Variants in VARS1 observed in about 807,000 individuals in gnomAD.
VARS1 encodes the protein valyl-tRNA synthetase 1.
VARS1 carries 92 observed loss-of-function variants against 161.0 expected under a neutral mutation model. The observed-to-expected ratio is 0.57, with a 90% CI of 0.48 to 0.68. VARS1 has a LOEUF of 0.68. VARS1 is among the 30% of genes least tolerant of loss of function. The pLI is 0.00. For synonymous variants in VARS1, 595 were observed against 682.5 expected (o/e 0.87, Z 2.00); for missense variants, 1,338 against 1,695.9 (o/e 0.79, Z 3.71).
At chr6:31,789,244 G>T (rs1318786769) in intron 8 of VARS1, among the ~76,000 whole-genome samples, 1 of 151,006 alleles carries the variant, frequency 6.6e-6, no homozygotes. Context: ...AACAGGTAAA[G>T]AATTCTCAAA....
At position 31,781,373 on chromosome 6, in the gene VARS1, C is replaced by G; in HGVS notation, c.2544+108G>C. 1 of 1,489,504 alleles carries G rather than the reference C, an allele frequency of 6.7e-7. No homozygotes were observed. The highest frequency in any genetic ancestry group is 9.0e-7 in the Non-Finnish European group (1 of 1,114,638). 92.3% of individuals were successfully genotyped at this position (1,489,504 alleles called of 1,614,324 possible). A position where few individuals can be genotyped will look rare whatever the true frequency, so the allele number is the denominator to read the frequency against. ...ACCCCACACCAGCCCCCGGGTCAGG[C>G]CTGCCCACAGCTAACCCCATGCCCC... On this transcript the variant is annotated intron_variant, in intron 21 of 29. Coordinates refer to ENST00000375663, the MANE Select transcript of VARS1 (RefSeq NM_006295.3). The surrounding 1 kb of genome is among the most constrained non-coding windows in gnomAD (Gnocchi z 6.8).
rs1172626149 is a variant in VARS1, at chr6:31,781,756, C to A, written c.2353G>T (p.Asp785Tyr). Residue 785 changes from aspartate to tyrosine, a missense_variant, in exon 20 of 30, where the codon GAT becomes TAT. Physicochemically the swap from Asp to Tyr is radical, Grantham distance 160. Around this residue, in one of 3 missense-constraint regions of VARS1, gnomAD observed 902 missense variants for 1,090.3 expected, o/e 0.83. Coordinates refer to ENST00000375663, the MANE Select transcript of VARS1 (RefSeq NM_006295.3). This position sits in a 1 kb window ranked among gnomAD's most constrained non-coding sequence, Gnocchi z 6.8. Reference protein sequence around the residue: ...PDKISLQQDEDVLDTWFSSGL... With the variant: ...PDKISLQQDEYVLDTWFSSGL... ...GAGGAGAACCAGGTATCCAATACAT[C>A]CTCATCTGAGAGAGGCCAAAGGTCA... The A allele has an allele frequency of 6.2e-7, 1 of 1,613,034 alleles. No homozygotes were observed. Among genetic ancestry groups the A allele is most frequent in the East Asian group, 2.2e-5 (1 of 44,880 alleles).
Position 31,785,361 on chromosome 6 carries a change from C to G in VARS1, c.1266-34G>C. ...AGACAGGCTGAGGTCAGCACTCGTG[C>G]CTGGGCTAGAGGGAGACATCAGGTG... On this transcript the variant is annotated intron_variant, in intron 9 of 29. Transcript: ENST00000375663. The surrounding 1 kb of genome is among the most constrained non-coding windows in gnomAD (Gnocchi z 6.1). The G allele has an allele frequency of 6.2e-7, 1 of 1,612,288 alleles. No homozygotes were observed. Among genetic ancestry groups the G allele is most frequent in the Non-Finnish European group, 8.5e-7 (1 of 1,179,534 alleles).
rs1813076934 is a variant in VARS1 at position 31,780,650 on chromosome 6, T to C, written c.2797+55A>G. The stretch of plus-strand genomic sequence containing the variant: ...AGAGGCTCAGGGTGGAGAAGAGGGA[T>C]GGGCCTCACAGAAGGAGGAAGGAGT... On this transcript the variant is annotated intron_variant, in intron 24 of 29. Coordinates refer to ENST00000375663, the MANE Select transcript of VARS1 (RefSeq NM_006295.3). This position sits in a 1 kb window ranked among gnomAD's most constrained non-coding sequence, Gnocchi z 5.1. The C allele has an allele frequency of 1.9e-6, 3 of 1,613,144 alleles. No individual in the cohort carries two copies. The highest frequency in any genetic ancestry group is 2.7e-5 in the African/African-American group (2 of 74,910).
chr6:31,792,143 G>A (rs1161192200), intron 6 of VARS1, 74 bp downstream of exon 6: 1 of 1,570,212 alleles, frequency 6.4e-7, no homozygotes, highest in Admixed American at 1.7e-5. Context: ...AGTGGTGAGA[G>A]CAAGAATAGA....
In VARS1 at chr6:31,792,773, A is replaced by G; in HGVS notation, c.645T>C (p.Pro215=). 1 of 1,614,174 alleles carries G rather than the reference A, an allele frequency of 6.2e-7. No individual in the cohort carries two copies. The highest frequency in any genetic ancestry group is 8.5e-7 in the Non-Finnish European group (1 of 1,180,024). Residue 215 remains proline (P), a synonymous_variant, in exon 4 of 30, where the codon CCT becomes CCC. Transcript: ENST00000375663. The part of the protein sequence containing the change: ...GEVVLYSGAR[P]LSHQPGPEAP... ...CTTCCTCACCTGGCTGATGAGAGAG[A>G]GGCCTGGCTCCTGAGTATAGAACCA... is the stretch of plus-strand genomic sequence containing the variant.
Position 31,781,010 on chromosome 6 carries a change from C to A in VARS1, c.2649+9G>T, listed in dbSNP as rs1408626439. 6.2e-7 allele frequency: 1 copy of A among 1,614,070 alleles called. No homozygotes were observed. The highest frequency in any genetic ancestry group is 8.5e-7 in the Non-Finnish European group (1 of 1,179,984). On this transcript the variant is annotated intron_variant, in intron 22 of 29. Transcript: ENST00000375663. The surrounding 1 kb of genome is among the most constrained non-coding windows in gnomAD (Gnocchi z 6.8). ...CGGCCCTTCCTGGCTGGCCCAGCAC[C>A]CAGCCCACCTGCAGGGAGATTCCAT...
In VARS1 at chr6:31,779,296, C is replaced by T; in HGVS notation, c.3401-4G>A. On this transcript the variant is annotated splice_polypyrimidine_tract_variant and splice_region_variant and intron_variant, in intron 28 of 29. Coordinates refer to ENST00000375663, the MANE Select transcript of VARS1 (RefSeq NM_006295.3). The surrounding 1 kb of genome is among the most constrained non-coding windows in gnomAD (Gnocchi z 9.1). Reference sequence around the variant, plus strand: ...TCATCCGCCACTTCCAGGAAACCTGCCAGGGAGGGAGAAAGGTGAGGCCTA... The same window carrying T: ...TCATCCGCCACTTCCAGGAAACCTGTCAGGGAGGGAGAAAGGTGAGGCCTA... 6.2e-7 allele frequency: 1 copy of T among 1,602,118 alleles called. No individual in the cohort carries two copies. Among genetic ancestry groups the T allele is most frequent in the Non-Finnish European group, 8.5e-7 (1 of 1,179,538 alleles).
chr6:31,791,865 ACT>A lies in VARS1; in HGVS notation c.972+4_972+5del. The A allele has an allele frequency of 6.2e-7, 1 of 1,610,506 alleles. No homozygotes were observed. The highest frequency in any genetic ancestry group is 8.5e-7 in the Non-Finnish European group (1 of 1,178,754). On this transcript the variant is annotated splice_donor_5th_base_variant and intron_variant, in intron 7 of 29. Transcript: ENST00000375663. This position sits in a 1 kb window ranked among gnomAD's most constrained non-coding sequence, Gnocchi z 5.0. ...ACTCTGGGCCTGGGCAGCAGTGCCT[ACT>A]CACCCCATACTCTGGCTTGAAGAAG...
Position 31,782,890 on chromosome 6 carries a change from G to A in VARS1, c.1763-45C>T, listed in dbSNP as rs747909986. On this transcript the variant is annotated intron_variant, in intron 14 of 29. Coordinates refer to ENST00000375663, the MANE Select transcript of VARS1 (RefSeq NM_006295.3). This position sits in a 1 kb window ranked among gnomAD's most constrained non-coding sequence, Gnocchi z 8.3. The stretch of plus-strand genomic sequence containing the variant: ...CCCAGGTCATGAGGGACTCCACGGA[G>A]TTCCTTCCTACACTCACCTCTTTTG... 6.3e-7 allele frequency: 1 copy of A among 1,587,800 alleles called. No individual in the cohort carries two copies. Among genetic ancestry groups the A allele is most frequent in the East Asian group, 2.2e-5 (1 of 44,726 alleles).
In VARS1 at chr6:31,781,633, G is replaced by A; in HGVS notation, c.2419-27C>T. 1 of 1,612,878 alleles carries A rather than the reference G, an allele frequency of 6.2e-7. No individual in the cohort carries two copies. Among genetic ancestry groups the A allele is most frequent in the Non-Finnish European group, 8.5e-7 (1 of 1,179,976 alleles). ...TGAGGGCAGACCAGGGTGTGAAGGG[G>A]AGCCAACACCCACCCTCCAGTCCCC... On this transcript the variant is annotated intron_variant, in intron 20 of 29. Coordinates refer to ENST00000375663, the MANE Select transcript of VARS1 (RefSeq NM_006295.3). The surrounding 1 kb of genome is among the most constrained non-coding windows in gnomAD (Gnocchi z 6.8).
In VARS1 at chr6:31,781,305, C is replaced by T. The variant is rs991155366; in HGVS notation, c.2544+176G>A. On this transcript the variant is annotated intron_variant, in intron 21 of 29. Transcript: ENST00000375663. This position sits in a 1 kb window ranked among gnomAD's most constrained non-coding sequence, Gnocchi z 6.8. ...ACTCCTTCCTCTGGGAAGATGAAGC[C>T]CTGGGCACAGGAATCACTGAGCAGG... 2.4e-6 allele frequency: 3 copies of T among 1,229,268 alleles called. No individual in the cohort carries two copies. Among genetic ancestry groups the T allele is most frequent in the African/African-American group, 3.0e-5 (2 of 66,562 alleles). The allele number at this position is 1,229,268 out of a possible 1,614,324, so 76.1% of individuals were successfully genotyped here.
chr6:31,788,792 G>C (rs1813687343), intron 8 of VARS1, among the ~76,000 whole-genome samples: 1 of 151,940 alleles, frequency 6.6e-6, no homozygotes, highest in South Asian at 2.1e-4. Context: ...CTGGGCGACA[G>C]AGAGAGACTC....
At position 31,778,234 on chromosome 6, in the gene VARS1, C is replaced by T; in HGVS notation, c.3727-572G>A. 1 of 156,484 alleles carries T rather than the reference C, an allele frequency of 6.4e-6. No individual in the cohort carries two copies. 9.7% of individuals were successfully genotyped at this position (156,484 alleles called of 1,614,324 possible). Reference sequence around the variant, plus strand: ...CAGGGCTCCCCGACTACATGTGGACCCCAAGCCCAGCCCCAGGCATGCAGG... The same window carrying T: ...CAGGGCTCCCCGACTACATGTGGACTCCAAGCCCAGCCCCAGGCATGCAGG... On this transcript the variant is annotated intron_variant, in intron 29 of 29. Transcript: ENST00000375663. This position sits in a 1 kb window ranked among gnomAD's most constrained non-coding sequence, Gnocchi z 5.1.
rs779281499 is a variant in VARS1, at chr6:31,779,402, G to A, written c.3400+23C>T. 26 of 1,608,880 alleles carry A rather than the reference G, an allele frequency of 1.6e-5. No individual in the cohort carries two copies. Among genetic ancestry groups the A allele is most frequent in the East Asian group, 1.3e-4 (6 of 44,872 alleles). On this transcript the variant is annotated intron_variant, in intron 28 of 29. Transcript: ENST00000375663. The surrounding 1 kb of genome is among the most constrained non-coding windows in gnomAD (Gnocchi z 9.1). ...GGCTGAGGGGACAGTGGGATGGGGC[G>A]GACATGGGGGCCTGAGGCTCACAGT...
intron 13 of VARS1, among the ~76,000 whole-genome samples, chr6:31,783,685 G>A (rs189530601): frequency 1.4e-5 from 2 of 142,470 alleles, no homozygotes; most frequent in Non-Finnish European, 3.0e-5. Context: ...TTTTTGAGAC[G>A]GAGTCTCGCT....
At chr6:31,787,267 A>G (rs1274088235) in intron 8 of VARS1, among the ~76,000 whole-genome samples, 1 of 152,164 alleles carries the variant, frequency 6.6e-6, no homozygotes, top group Non-Finnish European at 1.5e-5. Context: ...ATATAACTCT[A>G]TTCCATTAAA....
In VARS1 at chr6:31,779,564, G is replaced by A. The variant is rs1812992191; in HGVS notation, c.3289-28C>T. On this transcript the variant is annotated intron_variant, in intron 27 of 29. Transcript: ENST00000375663. This position sits in a 1 kb window ranked among gnomAD's most constrained non-coding sequence, Gnocchi z 9.1. Reference sequence around the variant, plus strand: ...GTGGGGTGGAGGAGGGGGTGAGGGGGCCTGGAGGGCAGGTCAGACTCCCCT... The same window carrying A: ...GTGGGGTGGAGGAGGGGGTGAGGGGACCTGGAGGGCAGGTCAGACTCCCCT... The A allele has an allele frequency of 1.2e-6, 2 of 1,611,284 alleles. No homozygotes were observed. The highest frequency in any genetic ancestry group is 1.7e-6 in the Non-Finnish European group (2 of 1,178,914).
At position 31,779,208 on chromosome 6, in the gene VARS1, A is replaced by G. The variant is rs1277454829; in HGVS notation, c.3485T>C (p.Val1162Ala). 6.2e-7 allele frequency: 1 copy of G among 1,607,494 alleles called. No homozygotes were observed. Among genetic ancestry groups the G allele is most frequent in the African/African-American group, 1.3e-5 (1 of 74,998 alleles). Residue 1162 changes from valine (V) to alanine (A), a missense_variant, in exon 29 of 30, where the codon GTG becomes GCG. Val to Ala is a moderately conservative substitution (Grantham distance 64). This residue lies in a region of VARS1 where 433 missense variants were observed against 586.2 expected (regional missense o/e 0.74). Transcript: ENST00000375663. The surrounding 1 kb of genome is among the most constrained non-coding windows in gnomAD (Gnocchi z 9.1). ...AGCCCCCAGGGCCAGAACAGCCACCACACCTGCGCTGGCCAGGGCCTGCAC... is the reference window on the plus strand; with the variant it reads ...AGCCCCCAGGGCCAGAACAGCCACCGCACCTGCGCTGGCCAGGGCCTGCAC... Reference protein sequence around the residue: ...GYVQALASAGVVAVLALGAPA... With the variant: ...GYVQALASAGAVAVLALGAPA...
Sources: gnomAD v4.1 joint callset for allele counts (sites outside exome capture counted in the v4.1 genomes callset) on GRCh38, gnomAD v4.1.1 for gene constraint, gnomAD v4.1.1 regional missense constraint, Gnocchi (gnomAD v3.1) non-coding constraint, MANE v1.5 for transcripts, NCBI Gene and HGNC (gene_info 2026-07-23, HGNC 2026-07-21) for gene names.